The following MYO16 variants were observed in gnomAD, a reference collection of about 807,000 sequenced individuals.
The protein encoded by MYO16 is unconventional myosin-XVI.
Under a neutral mutation model 205.3 loss-of-function variants are expected in MYO16, and 94 were observed. That is an observed-to-expected ratio of 0.46 (90% CI 0.39 to 0.54). The LOEUF is 0.54. Among genes scored for constraint, MYO16 ranks in the 20% least tolerant of loss-of-function variants. The probability of loss-of-function intolerance (pLI) is 0.00; values close to 1 mark genes in which losing one functional copy is unlikely to be tolerated. For synonymous variants in MYO16, 988 were observed against 954.0 expected (o/e 1.04, Z -0.66); for missense variants, 2,315 against 2,387.5 (o/e 0.97, Z 0.63).
At chr13:108,586,179 A>T in the MYO16 span, among the ~76,000 whole-genome samples, 2 of 152,272 alleles carry the variant, frequency 1.3e-5, no homozygotes, top group South Asian at 2.1e-4. Context: ...AGATAAAAAA[A>T]GAAGAGATCA....
At chr13:109,067,608 C>T (rs1052740847) in intron 27 of MYO16, among the ~76,000 whole-genome samples, 2 of 152,170 alleles carry the variant, frequency 1.3e-5, no homozygotes, top group African/African-American at 4.8e-5. Flanking sequence ...ATCAGGACGG[C>T]ACTGTGACAT....
Position 108,844,539 on chromosome 13 carries a change from A to G in MYO16, c.1248+46A>G, listed in dbSNP as rs199853627. The G allele has an allele frequency of 5.1e-5, 77 of 1,519,490 alleles. No homozygotes were observed. The Middle Eastern group carries it at 5.3e-4, about 11-fold the overall frequency. The allele number at this position is 1,519,490 out of a possible 1,614,324, so 94.1% of individuals were successfully genotyped here. On this transcript the variant is annotated intron_variant, in intron 10 of 34. Transcript: ENST00000457511. ...TGTCTACCAGTACTTTTTCATATCA[A>G]GTAATGTATTATAAAATCCAACATA...
chr13:108,869,168 G>C (rs1246229871), intron 12 of MYO16, among the ~76,000 whole-genome samples: 7 of 152,046 alleles, frequency 4.6e-5, no homozygotes, highest in African/African-American at 1.7e-4. Context: ...ACTCCCCCTA[G>C]GATTTTGAAT....
At chr13:108,660,537 T>G (rs2139422358) in intron 1 of MYO16, among the ~76,000 whole-genome samples, 1 of 152,362 alleles carries the variant, frequency 6.6e-6, no homozygotes, top group South Asian at 2.1e-4. Flanking sequence ...TCTCTCTTTG[T>G]CTCTTTTAAC....
At chr13:108,686,759 A>C (rs991877194) in intron 2 of MYO16, among the ~76,000 whole-genome samples, 1 of 152,264 alleles carries the variant, frequency 6.6e-6, no homozygotes, top group African/African-American at 2.4e-5. Context: ...ACGAAGAGAA[A>C]AGACAACAAT....
chr13:108,603,694 G>T (rs1255439375), intron 1 of MYO16, among the ~76,000 whole-genome samples: 1 of 152,012 alleles, frequency 6.6e-6, no homozygotes, highest in African/African-American at 2.4e-5. Context: ...TTAGCAGTTT[G>T]GTGGCTATGA....
chr13:108,933,962 T>C lies in MYO16; in HGVS notation c.1926-23726T>C, dbSNP rs938684625. 5.3e-5 allele frequency among the ~76,000 whole-genome samples: 8 copies of C among 152,222 alleles called. No individual in the cohort carries two copies. In the East Asian group the frequency reaches 1.3e-3, roughly 26 times the overall value. On this transcript the variant is annotated intron_variant, in intron 16 of 34. Coordinates refer to ENST00000457511, the MANE Select transcript of MYO16 (RefSeq NM_001198950.3). ...TTTTTTATGGCTGTGTAGTATTCCA[T>C]GGTGTATATGTACCACATTTTCTTT...
chr13:108,869,447 G>A (rs1048939677), intron 12 of MYO16, among the ~76,000 whole-genome samples: 7 of 151,700 alleles, frequency 4.6e-5, no homozygotes, highest in Non-Finnish European at 1.0e-4. Context: ...TACCTTGGCC[G>A]GGCGCGGTGG....
At chr13:108,596,937 C>T (rs775647622) in intron 1 of MYO16, among the ~76,000 whole-genome samples, 25 of 152,104 alleles carry the variant, frequency 1.6e-4, no homozygotes, top group Non-Finnish European at 3.4e-4. Flanking sequence ...AACAGAAGAG[C>T]ATAATTAAAT....
chr13:109,143,023 A>G (rs1290464390), intron 32 of MYO16, among the ~76,000 whole-genome samples: 1 of 152,008 alleles, frequency 6.6e-6, no homozygotes, highest in Admixed American at 6.6e-5. Flanking sequence ...GTAGATGGCA[A>G]CTGTGGGCAT....
intron 10 of MYO16, among the ~76,000 whole-genome samples, chr13:108,854,146 AC>A (rs966704905): frequency 9.2e-5 from 14 of 152,156 alleles, no homozygotes; most frequent in African/African-American, 3.4e-4. Flanking sequence ...GGCATGTGCC[AC>A]CATGCCCGGC....
chr13:108,764,665 C>T (rs558271745), intron 4 of MYO16, among the ~76,000 whole-genome samples: 2 of 152,210 alleles, frequency 1.3e-5, no homozygotes, highest in African/African-American at 4.8e-5. Context: ...CTTTACTAGC[C>T]CTGGAACCCA....
chr13:108,537,284 G>T, the MYO16 span, among the ~76,000 whole-genome samples: 1 of 152,086 alleles, frequency 6.6e-6, no homozygotes, highest in East Asian at 1.9e-4. Context: ...TTTCACTTAC[G>T]ATAATGGCCT....
chr13:108,891,561 T>C (rs1378153788), intron 14 of MYO16, among the ~76,000 whole-genome samples: 1 of 150,452 alleles, frequency 6.6e-6, no homozygotes, highest in Non-Finnish European at 1.5e-5. Flanking sequence ...CAAAAAATAA[T>C]GCATGTACAC....
chr13:109,153,668 A>G (rs945301639), intron 32 of MYO16, among the ~76,000 whole-genome samples: 1 of 152,180 alleles, frequency 6.6e-6, no homozygotes, highest in African/African-American at 2.4e-5. Flanking sequence ...CTAAGGCAGG[A>G]GAATCACTTG....
At chr13:108,697,669 A>C (rs1039228014) in intron 2 of MYO16, among the ~76,000 whole-genome samples, 1 of 152,156 alleles carries the variant, frequency 6.6e-6, no homozygotes, top group Non-Finnish European at 1.5e-5. Flanking sequence ...ATTTATGATC[A>C]GTTATATTGA....
the MYO16 span, among the ~76,000 whole-genome samples, chr13:108,537,286 T>C: frequency 2.0e-5 from 3 of 152,156 alleles, no homozygotes; most frequent in African/African-American, 7.2e-5. Flanking sequence ...TCACTTACGA[T>C]AATGGCCTCC....
intron 28 of MYO16, among the ~76,000 whole-genome samples, chr13:109,109,690 G>T (rs1889225586): frequency 6.7e-6 from 1 of 150,250 alleles, no homozygotes. Context: ...TGTAGATCAG[G>T]AATATACTCA....
rs569844709 is a variant in MYO16 at position 108,957,925 on chromosome 13, C to T, written c.2037+126C>T. The T allele has an allele frequency of 9.3e-4, 673 of 723,782 alleles. 3 individuals are homozygous for T. Among genetic ancestry groups the T allele is most frequent in the Non-Finnish European group, 3.2e-4 (138 of 430,988 alleles). 44.8% of individuals were successfully genotyped at this position (723,782 alleles called of 1,614,324 possible). On this transcript the variant is annotated intron_variant, in intron 17 of 34. Coordinates refer to ENST00000457511, the MANE Select transcript of MYO16 (RefSeq NM_001198950.3). ...GATGTTGCCGAGGACACTGATGATT[C>T]GGCAGACAACAAGCCCCAATCCCTG...
Sources: allele counts gnomAD v4.1 joint callset (sites outside exome capture counted in the v4.1 genomes callset), GRCh38; gene constraint gnomAD v4.1.1; transcripts MANE v1.5; gene names NCBI Gene and HGNC (gene_info 2026-07-23, HGNC 2026-07-21).